The following CASP2 variants were observed in gnomAD, a reference collection of about 807,000 sequenced individuals.
CASP2 encodes the protein caspase 2.
Under a neutral mutation model 54.4 loss-of-function variants are expected in CASP2, and 38 were observed. That is an observed-to-expected ratio of 0.70 (90% confidence interval 0.54 to 0.92). CASP2 has a LOEUF of 0.92. Among genes scored for constraint, CASP2 ranks in the 40% least tolerant of loss-of-function variants. CASP2 has a pLI of 0.00. For missense variants in CASP2, 512 were observed against 579.6 expected, an observed-to-expected ratio of 0.88 and a Z score of 1.20; for synonymous variants, 215 against 216.3, an observed-to-expected ratio of 0.99 and a Z score of 0.05.
intron 4 of CASP2, chr7:143,293,300 A>T: frequency 2.3e-6 from 1 of 439,568 alleles, no homozygotes; most frequent in East Asian, 3.4e-5. Context: ...GCTCATTTTT[A>T]AATTTTTTGT....
chr7:143,302,074 T>TA (rs1801931372), intron 8 of CASP2: 1 of 152,204 alleles, frequency 6.6e-6, no homozygotes, highest in African/African-American at 2.4e-5. Context: ...GGATGAAAAT[T>TA]AATCTGCCTG....
At position 143,299,836 on chromosome 7, in the gene CASP2, A is replaced by G; in HGVS notation, c.748-87A>G. 2.7e-6 allele frequency: 4 copies of G among 1,456,066 alleles called. No individual in the cohort carries two copies. The South Asian group carries it at 3.4e-5, about 13-fold the overall frequency. 90.2% of individuals were successfully genotyped at this position (1,456,066 alleles called of 1,614,324 possible). ...TACATAAAGCGTTTTATCTTCTAAT[A>G]GCTTAGGGTTTCAAAAAGAAACCAA... On this transcript the variant is annotated intron_variant, in intron 6 of 10. Coordinates refer to ENST00000310447, the MANE Select transcript of CASP2 (RefSeq NM_032982.4).
intron 6 of CASP2, among the ~76,000 whole-genome samples, chr7:143,295,273 C>A (rs1172319842): frequency 6.6e-6 from 1 of 152,156 alleles, no homozygotes; most frequent in Admixed American, 6.5e-5. Flanking sequence ...GGTGATCCGT[C>A]CCCCTCGGCC....
chr7:143,303,682 C>T, intron 8 of CASP2, 102 bp from the exon 9 acceptor site: 1 of 970,956 alleles, frequency 1.0e-6, no homozygotes. Flanking sequence ...GGAAATGGCT[C>T]TTCCCCTTCA....
In CASP2 at chr7:143,300,759, CTTCT is replaced by C. The variant is rs1023058128; in HGVS notation, c.967+471_967+474del. ...CTACACTTCCATGCTTGCCTCCTTT[CTTCT>C]TTCTTCTTACCATTCTTGGGTCATG... On this transcript the variant is annotated intron_variant, in intron 8 of 10. Transcript: ENST00000310447. 5.7e-4 allele frequency: 674 copies of C among 1,188,352 alleles called. 6 individuals carry two copies. In the African/African-American group the frequency reaches 9.0e-3, roughly 16 times the overall value. The allele number at this position is 1,188,352 out of a possible 1,614,324, so 73.6% of individuals were successfully genotyped here.
At position 143,303,807 on chromosome 7, in the gene CASP2, C is replaced by T; in HGVS notation, c.991C>T (p.Gln331Ter). The change falls in exon 9 of 11, where the codon CAA (glutamine) becomes TAA (stop). Residue 331 changes from glutamine (Q) to a stop codon, truncating the protein, a stop_gained. Transcript: ENST00000310447. LOFTEE classifies it high-confidence loss of function. The part of the protein sequence containing the change: ...RGDETDRGVD[Q>*]QDGKNHAGSP... ...AGATGAGACTGATCGTGGGGTTGACCAACAAGATGGAAAGAACCACGCAGG... is the reference window on the plus strand; with the variant it reads ...AGATGAGACTGATCGTGGGGTTGACTAACAAGATGGAAAGAACCACGCAGG... The T allele has an allele frequency of 3.7e-6, 6 of 1,613,734 alleles. No homozygotes were observed. Among genetic ancestry groups the T allele is most frequent in the Non-Finnish European group, 4.2e-6 (5 of 1,179,862 alleles).
intron 6 of CASP2, among the ~76,000 whole-genome samples, chr7:143,295,899 G>A (rs536826134): frequency 1.3e-3 from 204 of 152,308 alleles, no homozygotes; most frequent in Non-Finnish European, 2.0e-3. Flanking sequence ...ATGCTTTCCT[G>A]AGAAGTCTGC....
intron 8 of CASP2, chr7:143,302,301 C>G (rs1801938956): frequency 6.6e-6 from 1 of 152,142 alleles, no homozygotes; most frequent in Non-Finnish European, 1.5e-5. Context: ...ACTATTGGAT[C>G]TGGATAAGGA....
chr7:143,301,979 G>A (rs1169121744), intron 8 of CASP2: 31 of 152,216 alleles, frequency 2.0e-4, no homozygotes, highest in Admixed American at 2.0e-3. Context: ...TTATGGGTCA[G>A]CAACTTTACT....
intron 8 of CASP2, chr7:143,302,258 G>T (rs1287403538): frequency 6.6e-6 from 1 of 152,154 alleles, no homozygotes; most frequent in Non-Finnish European, 1.5e-5. Flanking sequence ...GTTAAATTGT[G>T]ATTTTCTCAT....
chr7:143,296,550 C>CTT (rs1801757066), intron 6 of CASP2, among the ~76,000 whole-genome samples: 2 of 152,110 alleles, frequency 1.3e-5, no homozygotes, highest in Admixed American at 6.6e-5. Context: ...AGTGGTGAAG[C>CTT]CACCCTAGGC....
At position 143,293,505 on chromosome 7, in the gene CASP2, G is replaced by GT. The variant is rs199829830; in HGVS notation, c.476-719dup. Among the ~76,000 whole-genome samples the GT allele has an allele frequency of 3.2e-3, 485 of 149,494 alleles. 7 individuals are homozygous for GT. The highest frequency in any genetic ancestry group is 0.011 in the African/African-American group (432 of 40,336). Reference sequence around the variant, plus strand: ...AGGACAGTTTATGCAGGAGTTTGTGGTTTTTTGTTTTTTTTTTTTCTTGTG... The same window carrying GT: ...AGGACAGTTTATGCAGGAGTTTGTGGTTTTTTTGTTTTTTTTTTTTCTTGTG... On this transcript the variant is annotated intron_variant, in intron 4 of 10. Coordinates refer to ENST00000310447, the MANE Select transcript of CASP2 (RefSeq NM_032982.4).
chr7:143,300,665 C>T lies in CASP2; in HGVS notation c.967+371C>T. 10 of 1,240,156 alleles carry T rather than the reference C, an allele frequency of 8.1e-6. No individual in the cohort carries two copies. The South Asian group carries it at 1.5e-4, about 19-fold the overall frequency. The allele number at this position is 1,240,156 out of a possible 1,614,324, so 76.8% of individuals were successfully genotyped here. ...GATTTTTGATCTGTCTTTTTCCTGT[C>T]CTTCTTATTTTATCTCCTTTCTTTC... On this transcript the variant is annotated intron_variant, in intron 8 of 10. Coordinates refer to ENST00000310447, the MANE Select transcript of CASP2 (RefSeq NM_032982.4).
rs996720693 is a variant in CASP2, at chr7:143,288,375, G to A, written c.-81G>A. On this transcript the variant is annotated 5_prime_UTR_variant, in exon 1 of 11. Transcript: ENST00000310447. The stretch of plus-strand genomic sequence containing the variant: ...CGCAGTGTGCGTCCGCGTCTGAGGG[G>A]AGGGATGTGGGGGAAGCGACGGCCC... 1.3e-5 allele frequency: 18 copies of A among 1,400,038 alleles called. No individual in the cohort carries two copies. In the Admixed American group the frequency reaches 3.3e-4, roughly 25 times the overall value. The allele number at this position is 1,400,038 out of a possible 1,614,324, so 86.7% of individuals were successfully genotyped here.
rs1278824557 is a variant in CASP2, at chr7:143,300,856, C to T, written c.967+562C>T. On this transcript the variant is annotated intron_variant, in intron 8 of 10. Coordinates refer to ENST00000310447, the MANE Select transcript of CASP2 (RefSeq NM_032982.4). ...TTTTCCGTGAGCTGCTGCTGCCCCT[C>T]TTTCTCTCATGCAGTCTGTTTTACT... is the stretch of plus-strand genomic sequence containing the variant. 3 of 1,132,258 alleles carry T rather than the reference C, an allele frequency of 2.6e-6. No individual in the cohort carries two copies. The African/African-American group carries it at 4.9e-5, about 18-fold the overall frequency. The allele number at this position is 1,132,258 out of a possible 1,614,324, so 70.1% of individuals were successfully genotyped here.
At chr7:143,299,718 T>C (rs1801858411) in intron 6 of CASP2, among the ~76,000 whole-genome samples, 1 of 152,204 alleles carries the variant, frequency 6.6e-6, no homozygotes. Context: ...ATTCAGAATA[T>C]TGTGTCTGAA....
chr7:143,300,714 C>G (rs1487072528), intron 8 of CASP2: 12 of 1,197,384 alleles, frequency 1.0e-5, no homozygotes, highest in South Asian at 7.9e-5. Flanking sequence ...TTCACTTGTT[C>G]CATATACTTC....
chr7:143,305,150 G>A lies in CASP2; in HGVS notation c.*79G>A. 1 of 1,568,016 alleles carries A rather than the reference G, an allele frequency of 6.4e-7. No individual in the cohort carries two copies. The highest frequency in any genetic ancestry group is 8.8e-7 in the Non-Finnish European group (1 of 1,140,348). On this transcript the variant is annotated 3_prime_UTR_variant, in exon 11 of 11. Transcript: ENST00000310447. ...TGATAGAGCCTTTGATCTTCAGGAT[G>A]CACGGTTTCTGTTCTGCCCCCTCAG...
At chr7:143,298,693 G>A (rs560031125) in intron 6 of CASP2, 5 of 152,270 alleles carry the variant, frequency 3.3e-5, no homozygotes, top group African/African-American at 1.2e-4. Flanking sequence ...GCCTAAGGAG[G>A]GGTGTACCAG....
Sources: gnomAD v4.1 joint callset for allele counts (sites outside exome capture counted in the v4.1 genomes callset) on GRCh38, gnomAD v4.1.1 for gene constraint, MANE v1.5 for transcripts, NCBI Gene and HGNC (gene_info 2026-07-23, HGNC 2026-07-21) for gene names.